The following HGSNAT variants were observed in gnomAD, a reference collection of about 807,000 sequenced individuals.
HGSNAT encodes transmembrane protein 76.
Under a neutral mutation model 85.2 loss-of-function variants are expected in HGSNAT, and 59 were observed. That is an observed-to-expected ratio of 0.69 (90% CI 0.56 to 0.86). The LOEUF (loss-of-function observed/expected upper bound fraction) is 0.86, where lower values mean the gene tolerates loss of function less well. Among genes scored for constraint, HGSNAT ranks in the 40% least tolerant of loss-of-function variants. The pLI, the probability that HGSNAT is intolerant of heterozygous loss-of-function variation, is 0.00. For synonymous variants in HGSNAT, 321 were observed against 304.5 expected, an observed-to-expected ratio of 1.05 and a Z score of -0.56; for missense variants, 756 against 777.1, an observed-to-expected ratio of 0.97 and a Z score of 0.32.
rs965587341 is a variant in HGSNAT at position 43,197,231 on chromosome 8, G to C, written c.1542+206G>C. On this transcript the variant is annotated intron_variant, in intron 15 of 17. Transcript: ENST00000379644. ...CTTAGGAAAATGTCTTTATCAATAAGGCAGTGTTTGCCATCAGATAGCCAG... is the reference window on the plus strand; with the variant it reads ...CTTAGGAAAATGTCTTTATCAATAACGCAGTGTTTGCCATCAGATAGCCAG... 1.0e-5 allele frequency: 6 copies of C among 591,220 alleles called. No individual in the cohort carries two copies. The African/African-American group carries it at 1.1e-4, about 11-fold the overall frequency. The allele number at this position is 591,220 out of a possible 1,614,324, so 36.6% of individuals were successfully genotyped here.
At chr8:43,157,427 T>G (rs1803126030) in intron 2 of HGSNAT, among the ~76,000 whole-genome samples, 1 of 152,192 alleles carries the variant, frequency 6.6e-6, no homozygotes, top group African/African-American at 2.4e-5. Context: ...ATGACTATTT[T>G]TTTAATCCAG....
chr8:43,178,655 TG>T (rs1365610357), intron 10 of HGSNAT, among the ~76,000 whole-genome samples: 1 of 147,876 alleles, frequency 6.8e-6, no homozygotes. Context: ...TCTTGGGTGT[TG>T]GGATTTGGCA....
chr8:43,182,033 C>A, intron 10 of HGSNAT, 112 bp from the exon 11 acceptor site: 1 of 811,720 alleles, frequency 1.2e-6, no homozygotes, highest in Non-Finnish European at 2.1e-6. Flanking sequence ...TTAAAAAAGA[C>A]TTACTTAGAT....
intron 10 of HGSNAT, 129 bp from the exon 11 acceptor site, chr8:43,182,016 C>T: frequency 1.3e-6 from 1 of 757,430 alleles, no homozygotes; most frequent in Non-Finnish European, 2.3e-6. Flanking sequence ...TTTCCATGTC[C>T]AAGAGCTTAA....
Position 43,158,577 on chromosome 8 carries a change from C to A in HGSNAT, c.237C>A (p.Cys79Ter). The change falls in exon 3 of 18, where the codon TGC becomes TGA. Residue 79 changes from cysteine (C) to a stop codon, truncating the protein, a stop_gained and splice_region_variant. Transcript: ENST00000379644. LOFTEE classifies it high-confidence loss of function. ...ACCTGTTGTGCTTTTATTTACAGTGCTTGTTTCAGGTTCTGGTAAACGTTC... is the reference window on the plus strand; with the variant it reads ...ACCTGTTGTGCTTTTATTTACAGTGATTGTTTCAGGTTCTGGTAAACGTTC... ...VYWKSECCYH[C>*]LFQVLVNVPQ... 1 of 1,613,848 alleles carries A rather than the reference C, an allele frequency of 6.2e-7. No individual in the cohort carries two copies. Among genetic ancestry groups the A allele is most frequent in the Non-Finnish European group, 8.5e-7 (1 of 1,179,816 alleles).
chr8:43,187,952 A>C (rs1804378692), intron 11 of HGSNAT, among the ~76,000 whole-genome samples: 1 of 152,202 alleles, frequency 6.6e-6, no homozygotes, highest in Non-Finnish European at 1.5e-5. Flanking sequence ...CTTTTCTTTA[A>C]GAATGTTGGA....
intron 2 of HGSNAT, among the ~76,000 whole-genome samples, chr8:43,152,602 C>T (rs1276172489): frequency 6.6e-6 from 1 of 152,038 alleles, no homozygotes; most frequent in African/African-American, 2.4e-5. Context: ...AGGCGTGGAC[C>T]ATGACACCCA....
At position 43,193,712 on chromosome 8, in the gene HGSNAT, T is replaced by C; in HGVS notation, c.1378-45T>C. The C allele has an allele frequency of 2.3e-6, 3 of 1,311,064 alleles. No individual in the cohort carries two copies. The Admixed American group carries it at 5.2e-5, about 23-fold the overall frequency. The allele number at this position is 1,311,064 out of a possible 1,614,324, so 81.2% of individuals were successfully genotyped here. ...GGTCTAGGAGCTGTTTGTACGTGTT[T>C]TCAGATCAGTGAGTGAGTGCTGCCT... On this transcript the variant is annotated intron_variant, in intron 13 of 17. Coordinates refer to ENST00000379644, the MANE Select transcript of HGSNAT (RefSeq NM_152419.3).
At chr8:43,147,484 G>A (rs1364992591) in intron 2 of HGSNAT, among the ~76,000 whole-genome samples, 3 of 152,116 alleles carry the variant, frequency 2.0e-5, no homozygotes, top group Admixed American at 2.0e-4. Flanking sequence ...TTTCTCTGAA[G>A]GTTTTACTCC....
chr8:43,185,054 T>G (rs1804260267), intron 11 of HGSNAT, among the ~76,000 whole-genome samples: 1 of 152,226 alleles, frequency 6.6e-6, no homozygotes, highest in African/African-American at 2.4e-5. Flanking sequence ...GTAGTATAGT[T>G]TGAAGCCAGG....
At chr8:43,180,236 A>AC (rs1157276175) in intron 10 of HGSNAT, 25 of 67,278 alleles carry the variant, frequency 3.7e-4, no homozygotes, top group South Asian at 2.4e-3. Flanking sequence ...CGGGGGGCTG[A>AC]CCCCCCCCAC....
intron 14 of HGSNAT, chr8:43,196,413 C>CCG: frequency 7.8e-7 from 1 of 1,276,334 alleles, no homozygotes; most frequent in Non-Finnish European, 1.0e-6. Flanking sequence ...CCACCCTGTC[C>CCG]CGGTCCCTCT....
intron 17 of HGSNAT, 142 bp from the exon 18 acceptor site, chr8:43,199,246 G>A (rs1172818553): frequency 3.4e-6 from 2 of 594,976 alleles, no homozygotes; most frequent in African/African-American, 1.9e-5. Context: ...CCTAAGATAT[G>A]CATTACTTAT....
intron 1 of HGSNAT, among the ~76,000 whole-genome samples, chr8:43,143,033 A>G (rs1158036997): frequency 1.3e-5 from 2 of 152,216 alleles, no homozygotes; most frequent in Admixed American, 6.5e-5. Flanking sequence ...AGTGACTAGA[A>G]ATGTGAAAAT....
At chr8:43,175,887 G>A (rs1190730892) in intron 9 of HGSNAT, among the ~76,000 whole-genome samples, 1 of 151,858 alleles carries the variant, frequency 6.6e-6, no homozygotes, top group African/African-American at 2.4e-5. Context: ...TTTTTAATTG[G>A]ATTATTAGAT....
intron 11 of HGSNAT, among the ~76,000 whole-genome samples, chr8:43,183,961 G>T (rs944958786): frequency 3.9e-5 from 6 of 152,170 alleles, no homozygotes; most frequent in African/African-American, 1.4e-4. Context: ...CAAAGGACAT[G>T]AATTCATCCT....
intron 1 of HGSNAT, among the ~76,000 whole-genome samples, chr8:43,141,599 C>T (rs1244768644): frequency 6.6e-6 from 1 of 151,966 alleles, no homozygotes; most frequent in Non-Finnish European, 1.5e-5. Flanking sequence ...CCTGTCTTTC[C>T]CCTCTCGCGC....
rs146508239 is a variant in HGSNAT at position 43,165,656 on chromosome 8, G to T, written c.564-3517G>T. Among the ~76,000 whole-genome samples the T allele has an allele frequency of 3.4e-4, 52 of 152,354 alleles. No homozygotes were observed. The East Asian group carries it at 7.7e-3, about 23-fold the overall frequency. On this transcript the variant is annotated intron_variant, in intron 5 of 17. Transcript: ENST00000379644. Reference sequence around the variant, plus strand: ...CACAAATGATAAGAAAGTGAAACAGGCTGGGCTTAGTGGCTCACACCTGTA... The same window carrying T: ...CACAAATGATAAGAAAGTGAAACAGTCTGGGCTTAGTGGCTCACACCTGTA...
At chr8:43,187,223 T>A (rs1395182447) in intron 11 of HGSNAT, among the ~76,000 whole-genome samples, 1 of 152,220 alleles carries the variant, frequency 6.6e-6, no homozygotes, top group Non-Finnish European at 1.5e-5. Context: ...CATTGATCTG[T>A]CTAATGTTGA....
Sources: gnomAD v4.1 joint callset for allele counts (sites outside exome capture counted in the v4.1 genomes callset) on GRCh38, gnomAD v4.1.1 for gene constraint, MANE v1.5 for transcripts, NCBI Gene and HGNC (gene_info 2026-07-23, HGNC 2026-07-21) for gene names.